Variants in SF3B1 observed in about 807,000 individuals in gnomAD.
SF3B1 encodes splicing factor 3b subunit 1.
In SF3B1, 12 loss-of-function variants were observed where a neutral mutation model predicts 153.8. The ratio of observed to expected loss-of-function variants is 0.08; its 90% CI spans 0.05 to 0.13. The LOEUF is 0.13. SF3B1 is among the 10% of genes least tolerant of loss of function. SF3B1 has a pLI of 1.00. For synonymous variants in SF3B1, 498 were observed against 525.2 expected (o/e 0.95, Z 0.71); for missense variants, 513 against 1,606.1 (o/e 0.32, Z 11.63).
Position 197,416,785 on chromosome 2 carries a change from G to A in SF3B1, c.622C>T (p.Pro208Ser), listed in dbSNP as rs2106004989. 6.2e-7 allele frequency: 1 copy of A among 1,614,074 alleles called. No homozygotes were observed. The highest frequency in any genetic ancestry group is 1.7e-5 in the Admixed American group (1 of 60,008). Residue 208 changes from proline to serine, a missense_variant, in exon 6 of 25, where the codon CCT becomes TCT. By Grantham distance (74) the Pro-to-Ser change is moderately conservative (BLOSUM62 -1). Coordinates refer to ENST00000335508, the MANE Select transcript of SF3B1 (RefSeq NM_012433.4). The stretch of plus-strand genomic sequence containing the variant: ...GATAGTTTTTTGGGAGTGGCACCAG[G>A]AGTCTGATCAGCTGTTTGATCCCAA... ...RRWDQTADQT[P>S]GATPKKLSSW...
chr2:197,425,950 G>A (rs565382581), intron 1 of SF3B1, among the ~76,000 whole-genome samples: 1 of 151,418 alleles, frequency 6.6e-6, no homozygotes, highest in South Asian at 2.1e-4. Flanking sequence ...AGTAAGCCAC[G>A]ATTGCTGCCA....
chr2:197,423,792 A>G lies in SF3B1; in HGVS notation c.195+16T>C, dbSNP rs1272244713. 2 of 1,611,178 alleles carry G rather than the reference A, an allele frequency of 1.2e-6. No individual in the cohort carries two copies. Among genetic ancestry groups the G allele is most frequent in the Non-Finnish European group, 1.7e-6 (2 of 1,179,026 alleles). ...TCAAAAAAATAACTGCCTCTTGTAC[A>G]TAATTTGTAACTTACATCTTCAAGT... On this transcript the variant is annotated intron_variant, in intron 2 of 24. Transcript: ENST00000335508.
rs1215611370 is a variant in SF3B1, at chr2:197,434,955, AG to A, written c.28+16del. On this transcript the variant is annotated intron_variant, in intron 1 of 24. Coordinates refer to ENST00000335508, the MANE Select transcript of SF3B1 (RefSeq NM_012433.4). Reference sequence around the variant, plus strand: ...CTAGCAACGAAGAAAACACGTAAGCAGGGAAAGACCGCTTACCTTCGTGAGT... The same window carrying A: ...CTAGCAACGAAGAAAACACGTAAGCAGGAAAGACCGCTTACCTTCGTGAGT... 7 of 1,611,814 alleles carry A rather than the reference AG, an allele frequency of 4.3e-6. No individual in the cohort carries two copies. The highest frequency in any genetic ancestry group is 1.3e-5 in the African/African-American group (1 of 75,040).
chr2:197,414,773 G>A (rs1025023010), intron 6 of SF3B1, among the ~76,000 whole-genome samples: 2 of 152,176 alleles, frequency 1.3e-5, no homozygotes, highest in African/African-American at 4.8e-5. Flanking sequence ...GCAAGGCTGA[G>A]GCAGATGGAC....
chr2:197,405,196 A>T lies in SF3B1; in HGVS notation c.1438-19T>A. On this transcript the variant is annotated intron_variant, in intron 10 of 24. Coordinates refer to ENST00000335508, the MANE Select transcript of SF3B1 (RefSeq NM_012433.4). ...CATCAACCTATAGTAAAAAGAAAAAAATGTTAAGGGAAGTTGAAATGTTAT... is the reference window on the plus strand; with the variant it reads ...CATCAACCTATAGTAAAAAGAAAAATATGTTAAGGGAAGTTGAAATGTTAT... 5 of 1,602,038 alleles carry T rather than the reference A, an allele frequency of 3.1e-6. No individual in the cohort carries two copies. The highest frequency in any genetic ancestry group is 4.3e-6 in the Non-Finnish European group (5 of 1,171,160).
At chr2:197,394,475 AACC>A (rs1475746549) in intron 23 of SF3B1, among the ~76,000 whole-genome samples, 6 of 152,238 alleles carry the variant, frequency 3.9e-5, no homozygotes, top group Non-Finnish European at 8.8e-5. Flanking sequence ...AATTTTTTCA[AACC>A]TACAGAAATA....
chr2:197,431,310 G>T (rs567454030), intron 1 of SF3B1, among the ~76,000 whole-genome samples: 20 of 151,832 alleles, frequency 1.3e-4, no homozygotes, highest in African/African-American at 4.8e-4. Flanking sequence ...AGTAGAGAGG[G>T]GGTTTCACCA....
At chr2:197,406,789 G>C (rs1365058228) in intron 9 of SF3B1, among the ~76,000 whole-genome samples, 3 of 152,096 alleles carry the variant, frequency 2.0e-5, no homozygotes, top group Non-Finnish European at 2.9e-5. Flanking sequence ...ACAAATAACA[G>C]GGGATCAAAA....
At chr2:197,395,715 C>T (rs2084868199) in intron 23 of SF3B1, among the ~76,000 whole-genome samples, 1 of 152,200 alleles carries the variant, frequency 6.6e-6, no homozygotes. Flanking sequence ...AAGATCAGGT[C>T]TCTGCCCATT....
chr2:197,417,764 CAAACAA>C (rs2085174214), intron 5 of SF3B1, among the ~76,000 whole-genome samples: 1 of 151,720 alleles, frequency 6.6e-6, no homozygotes, highest in Non-Finnish European at 1.5e-5. Context: ...TCAAAACAAA[CAAACAA>C]AAAGTAGGCA....
upstream of SF3B1, chr2:197,435,074 A>G (rs1440270219): frequency 6.2e-7 from 1 of 1,611,306 alleles, no homozygotes; most frequent in African/African-American, 1.3e-5. Context: ...ACGGAGAAAA[A>G]TAGCTGGGGG....
At chr2:197,429,756 C>G (rs917819187) in intron 1 of SF3B1, among the ~76,000 whole-genome samples, 4 of 151,532 alleles carry the variant, frequency 2.6e-5, no homozygotes, top group Admixed American at 2.0e-4. Context: ...TGCACTCCAG[C>G]CTGGACAACA....
chr2:197,413,172 G>C (rs564035130), intron 6 of SF3B1, among the ~76,000 whole-genome samples: 1 of 151,982 alleles, frequency 6.6e-6, no homozygotes, highest in African/African-American at 2.4e-5. Context: ...AGGCCAAGGT[G>C]GGGGGATCAC....
rs1311003332 is a variant in SF3B1 at position 197,390,725 on chromosome 2, C to T, written c.*1578G>A. The T allele has an allele frequency of 1.3e-5, 2 of 152,086 alleles. No homozygotes were observed. Among genetic ancestry groups the T allele is most frequent in the African/African-American group, 4.8e-5 (2 of 41,298 alleles). 9.4% of individuals were successfully genotyped at this position (152,086 alleles called of 1,614,324 possible). On this transcript the variant is annotated 3_prime_UTR_variant, in exon 25 of 25. Coordinates refer to ENST00000335508, the MANE Select transcript of SF3B1 (RefSeq NM_012433.4). ...GTTCAAGCCATTCTCCTGCCTCAGC[C>T]TCCCTAGTAGCTGGGACTACAGGCG...
chr2:197,427,537 T>C (rs901502115), intron 1 of SF3B1, among the ~76,000 whole-genome samples: 1 of 152,192 alleles, frequency 6.6e-6, no homozygotes, highest in African/African-American at 2.4e-5. Context: ...TACCCAAATA[T>C]TTATGAGCAA....
intron 22 of SF3B1, among the ~76,000 whole-genome samples, chr2:197,397,658 G>T (rs764498065): frequency 6.6e-6 from 1 of 152,154 alleles, no homozygotes; most frequent in Admixed American, 6.5e-5. Context: ...TTACCTAGGC[G>T]TGATGGTGCA....
At chr2:197,426,539 C>A (rs954167129) in intron 1 of SF3B1, among the ~76,000 whole-genome samples, 20 of 152,248 alleles carry the variant, frequency 1.3e-4, no homozygotes, top group Middle Eastern at 3.4e-3. Context: ...ACAAATGCTA[C>A]TTCCATGAGG....
intron 20 of SF3B1, 162 bp from the exon 21 acceptor site, chr2:197,398,743 A>C: frequency 1.6e-6 from 1 of 641,778 alleles, no homozygotes; most frequent in East Asian, 2.9e-5. Flanking sequence ...AATCGTTTTT[A>C]ACTTTTATTA....
At chr2:197,423,389 TAAGAA>T (rs1450316057) in intron 2 of SF3B1, among the ~76,000 whole-genome samples, 6 of 146,488 alleles carry the variant, frequency 4.1e-5, no homozygotes, top group East Asian at 2.0e-4. Flanking sequence ...AAAAAAAAGA[TAAGAA>T]AAGAAAATCC....
Sources: allele counts gnomAD v4.1 joint callset (sites outside exome capture counted in the v4.1 genomes callset), GRCh38; gene constraint gnomAD v4.1.1; transcripts MANE v1.5; gene names NCBI Gene and HGNC (gene_info 2026-07-23, HGNC 2026-07-21).